Variants in HTT observed in about 807,000 individuals in gnomAD.
HTT encodes huntingtin, also known as huntington disease protein.
In HTT, 104 loss-of-function variants were observed where a neutral mutation model predicts 362.3. That is an observed-to-expected ratio of 0.29 (90% CI 0.24 to 0.34). HTT has a LOEUF of 0.34. Ranked by LOEUF, HTT falls within the 10% of genes least tolerant of loss-of-function variation. HTT has a pLI of 1.00. For synonymous variants in HTT, 1,577 were observed against 1,548.7 expected, an observed-to-expected ratio of 1.02 and a Z score of -0.43; for missense variants, 3,301 against 3,928.6, an observed-to-expected ratio of 0.84 and a Z score of 4.27.
chr4:3,169,646 T>G (rs1717879941), intron 29 of HTT, among the ~76,000 whole-genome samples: 1 of 152,094 alleles, frequency 6.6e-6, no homozygotes, highest in South Asian at 2.1e-4. Context: ...CGATATCAGC[T>G]CACTGCAACC....
chr4:3,196,165 T>C (rs1459275354), intron 40 of HTT, among the ~76,000 whole-genome samples: 3 of 152,220 alleles, frequency 2.0e-5, no homozygotes, highest in African/African-American at 7.2e-5. Context: ...TTTGCTATTC[T>C]GATATGCCCA....
At chr4:3,136,052 T>G in intron 20 of HTT, 85 bp downstream of exon 20, 1 of 1,020,024 alleles carries the variant, frequency 9.8e-7, no homozygotes, top group Middle Eastern at 2.1e-4. Flanking sequence ...TCTAAATGCA[T>G]TCGTCATGTT....
intron 29 of HTT, among the ~76,000 whole-genome samples, chr4:3,162,950 T>C (rs1043789881): frequency 6.6e-6 from 1 of 152,224 alleles, no homozygotes; most frequent in African/African-American, 2.4e-5. Context: ...TGGCCAGAAC[T>C]TCCAATACTA....
At chr4:3,087,414 C>T (rs1560541296) in intron 2 of HTT, among the ~76,000 whole-genome samples, 1 of 152,166 alleles carries the variant, frequency 6.6e-6, no homozygotes, top group African/African-American at 2.4e-5. Flanking sequence ...GTTTGCTGTC[C>T]TATTGTACCT....
chr4:3,116,085 G>A lies in HTT; in HGVS notation c.890G>A (p.Gly297Asp). The change falls in exon 8 of 67, where the codon GGC becomes GAC. Residue 297 changes from glycine to aspartate, a missense_variant and splice_region_variant. Gly to Asp is a moderately conservative substitution (Grantham distance 94). Transcript: ENST00000355072. ...AGATGTCTTGCTTCCACCCCCACAGGCTTACTCGTTCCTGTCGAGGATGAA... is the reference window on the plus strand; with the variant it reads ...AGATGTCTTGCTTCCACCCCCACAGACTTACTCGTTCCTGTCGAGGATGAA... Reference protein sequence around the residue: ...FYSWLLNVLLGLLVPVEDEHS... With the variant: ...FYSWLLNVLLDLLVPVEDEHS... 3.7e-6 allele frequency: 6 copies of A among 1,606,516 alleles called. No homozygotes were observed. The highest frequency in any genetic ancestry group is 4.3e-6 in the Non-Finnish European group (5 of 1,174,866).
chr4:3,094,642 C>T lies in HTT; in HGVS notation c.348-4632C>T, dbSNP rs1454903591. Among the ~76,000 whole-genome samples the T allele has an allele frequency of 6.5e-4, 91 of 140,954 alleles. 2 individuals are homozygous for T. The highest frequency in any genetic ancestry group is 1.4e-4 in the Non-Finnish European group (9 of 64,842). 92.5% of individuals were successfully genotyped at this position (140,954 alleles called of 152,430 possible). ...CGGGCGGGGGCTGCCCCCCACCTCC[C>T]GGACGGGGCGGGTGGCCGGGCGGGG... On this transcript the variant is annotated intron_variant, in intron 2 of 66. Coordinates refer to ENST00000355072, the MANE Select transcript of HTT (RefSeq NM_001388492.1).
rs1010050706 is a variant in HTT at position 3,209,940 on chromosome 4, G to C, written c.6405G>C (p.Met2135Ile). ...RIPAEDMNAF[M>I]MNSEFNLSLL... ...CTGCTGAAGATATGAATGCCTTCAT[G>C]ATGAACTCGGTACGGGGGGAGCAGT... is the stretch of plus-strand genomic sequence containing the variant. Residue 2135 changes from methionine to isoleucine, a missense_variant, in exon 47 of 67, where the codon ATG becomes ATC. Met to Ile is a conservative substitution (Grantham distance 10). Coordinates refer to ENST00000355072, the MANE Select transcript of HTT (RefSeq NM_001388492.1). 1.2e-6 allele frequency: 2 copies of C among 1,613,968 alleles called. No individual in the cohort carries two copies. Among genetic ancestry groups the C allele is most frequent in the Non-Finnish European group, 1.7e-6 (2 of 1,179,904 alleles).
At chr4:3,207,112 T>C (rs995883583) in intron 44 of HTT, 129 bp downstream of exon 44, 1 of 1,111,526 alleles carries the variant, frequency 9.0e-7, no homozygotes, top group African/African-American at 1.6e-5. Context: ...TGGAAACATC[T>C]GCAAACTTGC....
At chr4:3,153,499 T>C (rs942431729) in intron 26 of HTT, among the ~76,000 whole-genome samples, 3 of 152,202 alleles carry the variant, frequency 2.0e-5, no homozygotes, top group Non-Finnish European at 4.4e-5. Flanking sequence ...GTGTTGTGTA[T>C]TGGAGATAGT....
chr4:3,159,013 G>A (rs768820072), intron 28 of HTT, among the ~76,000 whole-genome samples: 4 of 152,260 alleles, frequency 2.6e-5, no homozygotes, highest in East Asian at 3.9e-4. Context: ...TCATCCCCGC[G>A]GTCAGCTCCT....
intron 1 of HTT, among the ~76,000 whole-genome samples, chr4:3,078,970 CGTCATCCGCCGACCTT>C (rs1247084368): frequency 5.3e-5 from 8 of 152,130 alleles, no homozygotes; most frequent in South Asian, 2.1e-4. Flanking sequence ...CTCCTGACCT[CGTCATCCGCCGACCTT>C]GTGATCCGCC....
intron 21 of HTT, among the ~76,000 whole-genome samples, chr4:3,140,145 C>G (rs551624035): frequency 6.6e-6 from 1 of 151,950 alleles, no homozygotes; most frequent in East Asian, 1.9e-4. Context: ...CCTGTAATCC[C>G]AGCTACTCAG....
intron 25 of HTT, among the ~76,000 whole-genome samples, chr4:3,147,564 A>G (rs3025844): frequency 3.3e-5 from 5 of 152,230 alleles, no homozygotes; most frequent in Non-Finnish European, 7.3e-5. Context: ...AAAGGGACTA[A>G]AAGATGAGTA....
intron 51 of HTT, among the ~76,000 whole-genome samples, chr4:3,217,468 T>C (rs1213549672): frequency 6.6e-6 from 1 of 152,196 alleles, no homozygotes; most frequent in Non-Finnish European, 1.5e-5. Flanking sequence ...AGCCACAGGA[T>C]GGCTTCCAGC....
chr4:3,105,469 C>A, intron 5 of HTT, 33 bp downstream of exon 5: 1 of 1,365,752 alleles, frequency 7.3e-7, no homozygotes, highest in Non-Finnish European at 1.0e-6. Context: ...TGGTTTTTGT[C>A]GGGGGCCAGC....
intron 28 of HTT, among the ~76,000 whole-genome samples, chr4:3,157,950 TATATC>T (rs1441515297): frequency 2.0e-5 from 3 of 152,100 alleles, no homozygotes; most frequent in African/African-American, 7.2e-5. Context: ...ATTATTTTGT[TATATC>T]AATCTATCTG....
At position 3,174,958 on chromosome 4, in the gene HTT, A is replaced by G; in HGVS notation, c.4258A>G (p.Asn1420Asp). 1.3e-6 allele frequency: 2 copies of G among 1,598,744 alleles called. No homozygotes were observed. The highest frequency in any genetic ancestry group is 1.7e-4 in the Middle Eastern group (1 of 6,032). The change falls in exon 33 of 67, where the codon AAT becomes GAT. Residue 1420 changes from asparagine to aspartate, a missense_variant. By Grantham distance (23) the Asn-to-Asp change is conservative (BLOSUM62 1). Coordinates refer to ENST00000355072, the MANE Select transcript of HTT (RefSeq NM_001388492.1). ...TTCTTTTTTATAGAATGCTATTCAT[A>G]ATCACATTCGTTTGTTTGAACCTCT... is the stretch of plus-strand genomic sequence containing the variant. ...KNRADKNAIH[N>D]HIRLFEPLVI...
At chr4:3,107,175 T>G in intron 5 of HTT, 110 bp from the exon 6 acceptor site, 2 of 1,100,410 alleles carry the variant, frequency 1.8e-6, no homozygotes, top group South Asian at 1.5e-5. Flanking sequence ...CCCCATCCCA[T>G]TAGGGACTGT....
chr4:3,087,656 T>C (rs1346481581), intron 2 of HTT, among the ~76,000 whole-genome samples: 1 of 152,200 alleles, frequency 6.6e-6, no homozygotes, highest in Non-Finnish European at 1.5e-5. Context: ...AGGAGACATA[T>C]TCACCTATGA....
Sources: allele counts gnomAD v4.1 joint callset (sites outside exome capture counted in the v4.1 genomes callset), GRCh38; gene constraint gnomAD v4.1.1; transcripts MANE v1.5; gene names NCBI Gene and HGNC (gene_info 2026-07-23, HGNC 2026-07-21).